Variants in ADAMTS6 observed in about 807,000 individuals in gnomAD.
ADAMTS6 encodes ADAM metallopeptidase with thrombospondin type 1 motif 6, also known as A disintegrin and metalloproteinase with thrombospondin motifs 6.
A neutral mutation model predicts 144.3 loss-of-function variants in ADAMTS6; 23 were observed. The ratio of observed to expected loss-of-function variants is 0.16; its 90% CI spans 0.11 to 0.23. ADAMTS6 has a LOEUF of 0.23. Among genes scored for constraint, ADAMTS6 ranks in the 10% least tolerant of loss-of-function variants. The pLI, the probability that ADAMTS6 is intolerant of heterozygous loss-of-function variation, is 1.00. For missense variants in ADAMTS6, 999 were observed against 1,379.6 expected (o/e 0.72, Z 4.37); for synonymous variants, 444 against 457.5 (o/e 0.97, Z 0.38).
rs538601978 is a variant in ADAMTS6, at chr5:65,334,446, A to G, written c.1074-361T>C. 2.0e-5 allele frequency among the ~76,000 whole-genome samples: 3 copies of G among 152,254 alleles called. No homozygotes were observed. In the East Asian group the frequency reaches 5.8e-4, roughly 29 times the overall value. On this transcript the variant is annotated intron_variant, in intron 7 of 24. Transcript: ENST00000381055. ...GCAAATAGGTGGCTTCTTATTTCCA[A>G]TCTCCTTTGAACCTGTGGGAATAGG...
intron 7 of ADAMTS6, among the ~76,000 whole-genome samples, chr5:65,416,637 A>G (rs890128025): frequency 2.6e-5 from 4 of 151,454 alleles, no homozygotes; most frequent in Non-Finnish European, 5.9e-5. Context: ...GCCTGGTGGG[A>G]GGCTGTGGCA....
chr5:65,317,344 A>AT (rs1745105654), intron 9 of ADAMTS6, among the ~76,000 whole-genome samples: 1 of 152,234 alleles, frequency 6.6e-6, no homozygotes, highest in South Asian at 2.1e-4. Context: ...CAACAAGGGC[A>AT]GATATACTTT....
At chr5:65,195,032 G>T (rs1012263798) in intron 21 of ADAMTS6, among the ~76,000 whole-genome samples, 3 of 152,084 alleles carry the variant, frequency 2.0e-5, no homozygotes, top group African/African-American at 4.8e-5. Flanking sequence ...AATGGAATAG[G>T]GTGTGACCAG....
At chr5:65,162,676 T>C (rs979210439) in intron 24 of ADAMTS6, among the ~76,000 whole-genome samples, 1 of 151,618 alleles carries the variant, frequency 6.6e-6, no homozygotes, top group Non-Finnish European at 1.5e-5. Context: ...GAGAGAGATC[T>C]ATTTGTGTAT....
In ADAMTS6 at chr5:65,215,503, CA is replaced by C; in HGVS notation, c.2273-17del. ...GATTTTAAAGCTAGAAAACAAATCACAATTCACCTAAAAATGTGAAATTTCA... is the reference window on the plus strand; with the variant it reads ...GATTTTAAAGCTAGAAAACAAATCACATTCACCTAAAAATGTGAAATTTCA... On this transcript the variant is annotated splice_polypyrimidine_tract_variant and intron_variant, in intron 18 of 24. Transcript: ENST00000381055. The C allele has an allele frequency of 6.3e-7, 1 of 1,593,364 alleles. No individual in the cohort carries two copies. The highest frequency in any genetic ancestry group is 8.5e-7 in the Non-Finnish European group (1 of 1,171,144).
chr5:65,345,307 T>C (rs1748215679), intron 7 of ADAMTS6, among the ~76,000 whole-genome samples: 1 of 151,282 alleles, frequency 6.6e-6, no homozygotes, highest in South Asian at 2.1e-4. Context: ...CCACAAAAGA[T>C]AAGAAAAAAT....
chr5:65,317,933 G>A (rs1028175920), intron 9 of ADAMTS6, among the ~76,000 whole-genome samples: 1 of 151,896 alleles, frequency 6.6e-6, no homozygotes, highest in African/African-American at 2.4e-5. Context: ...AAATTAGCCG[G>A]GTGTGGTGGT....
intron 14 of ADAMTS6, chr5:65,251,485 G>A (rs1172101084): frequency 2.0e-5 from 3 of 152,158 alleles, no homozygotes; most frequent in Non-Finnish European, 4.4e-5. Context: ...TTTAATAAAT[G>A]CTCCTGGTTT....
At chr5:65,465,630 C>T (rs1448513166) in intron 3 of ADAMTS6, among the ~76,000 whole-genome samples, 1 of 152,188 alleles carries the variant, frequency 6.6e-6, no homozygotes, top group South Asian at 2.1e-4. Context: ...TCAAACTCTT[C>T]TTCACTGAAA....
rs540432797 is a variant in ADAMTS6, at chr5:65,415,636, G to A, written c.1073+35839C>T. 77 of 300,154 alleles carry A rather than the reference G, an allele frequency of 2.6e-4. 1 individual carries two copies. Among genetic ancestry groups the A allele is most frequent in the South Asian group, 1.8e-3 (57 of 32,154 alleles). 18.6% of individuals were successfully genotyped at this position (300,154 alleles called of 1,614,324 possible). A position where few individuals can be genotyped will look rare whatever the true frequency, so the allele number is the denominator to read the frequency against. On this transcript the variant is annotated intron_variant, in intron 7 of 24. Transcript: ENST00000381055. ...GAGTCTGAGATCACTGATTTTTTTC[G>A]GGGGCTCTCTCAAGGATGAGGTTTT...
chr5:65,195,931 A>G (rs1033133152), intron 21 of ADAMTS6, among the ~76,000 whole-genome samples: 5 of 152,244 alleles, frequency 3.3e-5, no homozygotes, highest in Non-Finnish European at 7.3e-5. Flanking sequence ...GATCAACTCA[A>G]CATCACATAA....
chr5:65,193,901 A>G (rs1212762012), intron 21 of ADAMTS6, among the ~76,000 whole-genome samples: 1 of 152,208 alleles, frequency 6.6e-6, no homozygotes, highest in African/African-American at 2.4e-5. Context: ...AAATGTTCCA[A>G]ATGTTGAGAA....
chr5:65,372,094 G>C (rs1032124776), intron 7 of ADAMTS6, among the ~76,000 whole-genome samples: 5 of 150,932 alleles, frequency 3.3e-5, no homozygotes, highest in Non-Finnish European at 4.4e-5. Flanking sequence ...TCACCACCAC[G>C]CCTGCCCTAA....
At chr5:65,188,365 G>T in intron 21 of ADAMTS6, 145 bp from the exon 22 acceptor site, 1 of 780,220 alleles carries the variant, frequency 1.3e-6, no homozygotes, top group Non-Finnish European at 2.1e-6. Context: ...TGAAAGAGCT[G>T]CTAAGGAAAA....
chr5:65,374,500 C>A (rs1751309589), intron 7 of ADAMTS6, among the ~76,000 whole-genome samples: 1 of 150,416 alleles, frequency 6.6e-6, no homozygotes, highest in South Asian at 2.1e-4. Context: ...GAGTGAACTC[C>A]CATTCACAAT....
intron 7 of ADAMTS6, among the ~76,000 whole-genome samples, chr5:65,447,793 A>T (rs1217869392): frequency 1.3e-5 from 2 of 150,816 alleles, no homozygotes; most frequent in African/African-American, 2.4e-5. Flanking sequence ...ATTATAGATC[A>T]CAAAAATGAA....
intron 7 of ADAMTS6, among the ~76,000 whole-genome samples, chr5:65,360,277 C>T (rs555026572): frequency 1.3e-5 from 2 of 152,052 alleles, no homozygotes; most frequent in African/African-American, 2.4e-5. Context: ...AACTAGATCT[C>T]GTGAGAACTC....
Position 65,470,987 on chromosome 5 carries a change from A to G in ADAMTS6, c.253T>C (p.Leu85=). The part of the protein sequence containing the change: ...PIDPQQAVSK[L]FFKLSAYGKH... ...CCATAGGCTGAAAGTTTAAAAAATA[A>G]CTTAGATACTGCCTGCTGTGGATCA... The change falls in exon 3 of 25, where the codon TTA becomes CTA. Residue 85 remains leucine, a synonymous_variant. Transcript: ENST00000381055. The G allele has an allele frequency of 6.2e-7, 1 of 1,612,980 alleles. No individual in the cohort carries two copies. The highest frequency in any genetic ancestry group is 1.1e-5 in the South Asian group (1 of 90,894).
chr5:65,218,727 T>C (rs1226642304), intron 18 of ADAMTS6, among the ~76,000 whole-genome samples: 2 of 152,104 alleles, frequency 1.3e-5, no homozygotes, highest in African/African-American at 2.4e-5. Context: ...ATTTTGCTTG[T>C]TTTAAAATTT....
Sources: allele counts gnomAD v4.1 joint callset (sites outside exome capture counted in the v4.1 genomes callset), GRCh38; gene constraint gnomAD v4.1.1; transcripts MANE v1.5; gene names NCBI Gene and HGNC (gene_info 2026-07-23, HGNC 2026-07-21).